The following DOCK7 variants were observed in gnomAD, a reference collection of about 807,000 sequenced individuals.
The protein encoded by DOCK7 is dedicator of cytokinesis 7.
Under a neutral mutation model 271.0 loss-of-function variants are expected in DOCK7, and 138 were observed. The observed-to-expected ratio is 0.51, with a 90% CI of 0.44 to 0.59. DOCK7 has a LOEUF of 0.59. Among genes scored for constraint, DOCK7 ranks in the 20% least tolerant of loss-of-function variants. DOCK7 has a pLI of 0.00. For synonymous variants in DOCK7, 823 were observed against 876.1 expected (o/e 0.94, Z 1.07); for missense variants, 2,066 against 2,592.4 (o/e 0.80, Z 4.41).
chr1:62,592,663 G>C (rs539223626), intron 14 of DOCK7, among the ~76,000 whole-genome samples: 3 of 152,182 alleles, frequency 2.0e-5, no homozygotes, highest in African/African-American at 7.2e-5. Flanking sequence ...TACATAACCA[G>C]ATGATTCGCA....
At chr1:62,542,533 A>T (rs1250273361) in intron 25 of DOCK7, 75 bp downstream of exon 25, 54 of 1,406,746 alleles carry the variant, frequency 3.8e-5, no homozygotes, top group Non-Finnish European at 5.1e-5. Flanking sequence ...AAGATTTCTA[A>T]GGTAACAAAT....
intron 14 of DOCK7, among the ~76,000 whole-genome samples, chr1:62,591,422 A>AC (rs1426679148): frequency 2.0e-5 from 3 of 152,146 alleles, no homozygotes; most frequent in Non-Finnish European, 4.4e-5. Flanking sequence ...CTGAGTGATG[A>AC]AATAATCTGT....
At position 62,555,843 on chromosome 1, in the gene DOCK7, G is replaced by A; in HGVS notation, c.2578C>T (p.Pro860Ser). ...AAAATACCTGGTGATGATGAATTAG[G>A]GTAAGTATTTGGTAGGCGGAAAACA... ...HYVFRLPNTY[P>S]NSSSPGPGGL... Residue 860 changes from proline (P) to serine (S), a missense_variant, in exon 21 of 50, where the codon CCT becomes TCT. Pro to Ser is a moderately conservative substitution (Grantham distance 74). This residue lies in a region of DOCK7 where 1,414 missense variants were observed against 1,670.4 expected (regional missense o/e 0.85). Transcript: ENST00000635253. 6.2e-7 allele frequency: 1 copy of A among 1,611,800 alleles called. No homozygotes were observed. Among genetic ancestry groups the A allele is most frequent in the South Asian group, 1.1e-5 (1 of 90,626 alleles).
intron 1 of DOCK7, among the ~76,000 whole-genome samples, chr1:62,686,117 A>G (rs1420865353): frequency 6.6e-6 from 1 of 152,010 alleles, no homozygotes; most frequent in African/African-American, 2.4e-5. Context: ...TCTGGTTCTA[A>G]TAAGAGAAAT....
chr1:62,477,582 G>A (rs865805967), intron 44 of DOCK7, 118 bp downstream of exon 44: 7 of 1,057,614 alleles, frequency 6.6e-6, no homozygotes, highest in Admixed American at 5.6e-5. Context: ...ATTCTCTAAC[G>A]GAGTAGTTTA....
chr1:62,537,073 C>T (rs1477468140), intron 28 of DOCK7, among the ~76,000 whole-genome samples: 1 of 152,190 alleles, frequency 6.6e-6, no homozygotes, highest in Non-Finnish European at 1.5e-5. Flanking sequence ...CATGCCTCCA[C>T]TGCAGTTTGA....
At chr1:62,464,697 AAAAC>A (rs1401331158) in intron 48 of DOCK7, among the ~76,000 whole-genome samples, 14 of 152,106 alleles carry the variant, frequency 9.2e-5, no homozygotes, top group Middle Eastern at 3.4e-3. Flanking sequence ...AACAAAAACA[AAAAC>A]AAACAGACTG....
At position 62,541,915 on chromosome 1, in the gene DOCK7, T is replaced by G. The variant is rs145350413; in HGVS notation, c.3045+693A>C. Among the ~76,000 whole-genome samples, 236 of 152,286 alleles carry G rather than the reference T, an allele frequency of 1.5e-3. 4 individuals carry two copies. Among genetic ancestry groups the G allele is most frequent in the African/African-American group, 5.3e-3 (219 of 41,574 alleles). On this transcript the variant is annotated intron_variant, in intron 25 of 49. Coordinates refer to ENST00000635253, the MANE Select transcript of DOCK7 (RefSeq NM_001367561.1). Reference sequence around the variant, plus strand: ...AAAGAGACAGGATCTTGCTCTGTTATCCATGCGGAGTGCAGTGGTGATCAT... The same window carrying G: ...AAAGAGACAGGATCTTGCTCTGTTAGCCATGCGGAGTGCAGTGGTGATCAT...
chr1:62,591,801 A>C (rs991442870), intron 14 of DOCK7, among the ~76,000 whole-genome samples: 2 of 151,894 alleles, frequency 1.3e-5, no homozygotes, highest in Non-Finnish European at 2.9e-5. Flanking sequence ...TTCATTCAGA[A>C]CTCTTATAGA....
intron 18 of DOCK7, among the ~76,000 whole-genome samples, chr1:62,564,723 G>C (rs1412610948): frequency 6.6e-6 from 1 of 152,066 alleles, no homozygotes; most frequent in Non-Finnish European, 1.5e-5. Flanking sequence ...GAAGGAGATA[G>C]AGTCATGAAA....
At chr1:62,681,597 A>T (rs1284405466) in intron 1 of DOCK7, among the ~76,000 whole-genome samples, 1 of 152,052 alleles carries the variant, frequency 6.6e-6, no homozygotes. Context: ...TGACCCAGAA[A>T]TTGCAAGGGT....
intron 14 of DOCK7, among the ~76,000 whole-genome samples, chr1:62,587,901 T>C (rs1647807141): frequency 6.6e-6 from 1 of 152,146 alleles, no homozygotes. Context: ...TTTTAGTTAA[T>C]AGTAATGGTT....
intron 12 of DOCK7, among the ~76,000 whole-genome samples, chr1:62,623,884 T>C (rs1291541249): frequency 6.6e-6 from 1 of 152,206 alleles, no homozygotes; most frequent in African/African-American, 2.4e-5. Context: ...TTCAAGTAGA[T>C]TGCTATCTGT....
intron 14 of DOCK7, among the ~76,000 whole-genome samples, chr1:62,616,344 T>C (rs910273674): frequency 4.0e-5 from 6 of 151,794 alleles, no homozygotes; most frequent in Non-Finnish European, 7.4e-5. Context: ...AGAATCCATT[T>C]ATATCAAGTG....
chr1:62,656,112 C>T (rs1157190850), intron 2 of DOCK7, among the ~76,000 whole-genome samples: 10 of 152,148 alleles, frequency 6.6e-5, no homozygotes. Context: ...TCTTCTTTAA[C>T]CATTGTTATT....
chr1:62,587,195 T>C (rs1647664641), intron 14 of DOCK7, among the ~76,000 whole-genome samples: 1 of 151,832 alleles, frequency 6.6e-6, no homozygotes, highest in East Asian at 1.9e-4. Flanking sequence ...TTTGCATTTA[T>C]TTGAATTCTT....
Position 62,559,081 on chromosome 1 carries a change from G to T in DOCK7, c.2339C>A (p.Ser780Tyr). 1 of 1,613,858 alleles carries T rather than the reference G, an allele frequency of 6.2e-7. No individual in the cohort carries two copies. Among genetic ancestry groups the T allele is most frequent in the Non-Finnish European group, 8.5e-7 (1 of 1,179,894 alleles). Residue 780 changes from serine to tyrosine, a missense_variant, in exon 20 of 50, where the codon TCC becomes TAC. Around this residue, in one of 2 missense-constraint regions of DOCK7, gnomAD observed 1,414 missense variants for 1,670.4 expected, o/e 0.85. Transcript: ENST00000635253. ...LKSSISALNSSQLEPVVRFLH... is the reference protein window; with the variant it reads ...LKSSISALNSYQLEPVVRFLH... Reference sequence around the variant, plus strand: ...AAATCGGACCACTGGTTCCAGCTGGGATGAATTCAGTGCTGAAATACTGCT... The same window carrying T: ...AAATCGGACCACTGGTTCCAGCTGGTATGAATTCAGTGCTGAAATACTGCT...
chr1:62,604,217 T>C (rs1398110801), intron 14 of DOCK7: 1 of 1,613,202 alleles, frequency 6.2e-7, no homozygotes, highest in Non-Finnish European at 8.5e-7. Context: ...ACACTTCAAC[T>C]GTCCAGAGGG....
At chr1:62,688,196 G>T in intron 1 of DOCK7, 31 bp downstream of exon 1, 1 of 1,365,864 alleles carries the variant, frequency 7.3e-7, no homozygotes, top group Non-Finnish European at 9.5e-7. Context: ...CTCGGGCGGC[G>T]GCGGCGGCGC....
Sources: gnomAD v4.1 joint callset for allele counts (sites outside exome capture counted in the v4.1 genomes callset) on GRCh38, gnomAD v4.1.1 for gene constraint, gnomAD v4.1.1 regional missense constraint, MANE v1.5 for transcripts, NCBI Gene and HGNC (gene_info 2026-07-23, HGNC 2026-07-21) for gene names.